Variants in RPTOR observed in about 807,000 individuals in gnomAD.
The protein encoded by RPTOR is regulatory-associated protein of mTOR.
A neutral mutation model predicts 169.9 loss-of-function variants in RPTOR; 21 were observed. The ratio of observed to expected loss-of-function variants is 0.12; its 90% CI spans 0.09 to 0.18. The LOEUF (loss-of-function observed/expected upper bound fraction) is 0.18, where lower values mean the gene tolerates loss of function less well. Ranked by LOEUF, RPTOR falls within the 10% of genes least tolerant of loss-of-function variation. RPTOR has a pLI of 1.00. For synonymous variants in RPTOR, 732 were observed against 753.2 expected (o/e 0.97, Z 0.46); for missense variants, 1,133 against 1,855.9 (o/e 0.61, Z 7.16).
intron 3 of RPTOR, among the ~76,000 whole-genome samples, chr17:80,644,212 A>G (rs2065575355): frequency 6.6e-6 from 1 of 151,786 alleles, no homozygotes; most frequent in African/African-American, 2.4e-5. Flanking sequence ...AGAAAAAAAC[A>G]CCCAACAGTC....
At chr17:80,802,706 C>G (rs9913285) in intron 7 of RPTOR, 33,438 of 152,298 alleles carry the variant, frequency 0.22, 4,029 homozygotes, top group African/African-American at 0.31. Context: ...GCTTCCGTTC[C>G]TTGAAGGCAG....
At chr17:80,828,221 AGGGAG>A (rs1172368805) in intron 9 of RPTOR, among the ~76,000 whole-genome samples, 1 of 152,200 alleles carries the variant, frequency 6.6e-6, no homozygotes, top group Non-Finnish European at 1.5e-5. Flanking sequence ...AGAGACGAGC[AGGGAG>A]TGGCACTTAG....
chr17:80,625,766 C>T lies in RPTOR; in HGVS notation c.238C>T (p.Pro80Ser), dbSNP rs778275536. The change falls in exon 2 of 34, where the codon CCC becomes TCC. Residue 80 changes from proline to serine, a missense_variant. By Grantham distance (74) the Pro-to-Ser change is moderately conservative. This residue lies in a region of RPTOR where 74 missense variants were observed against 168.3 expected (regional missense o/e 0.44). Transcript: ENST00000306801. ...CCCTCCCGATGTGGTGAAGACCACG[C>T]CCTGTGCACGCTTGGAATGCTGGAT... Reference protein sequence around the residue: ...VDPPDVVKTTPCARLECWIDP... With the variant: ...VDPPDVVKTTSCARLECWIDP... 1 of 1,612,200 alleles carries T rather than the reference C, an allele frequency of 6.2e-7. No homozygotes were observed.
chr17:80,860,851 C>G lies in RPTOR; in HGVS notation c.1509+2951C>G, dbSNP rs373518888. Among the ~76,000 whole-genome samples the G allele has an allele frequency of 6.6e-6, 1 of 152,036 alleles. No homozygotes were observed. Among genetic ancestry groups the G allele is most frequent in the Non-Finnish European group, 1.5e-5 (1 of 68,016 alleles). ...GGCACTGACCATGGCTCTGCTGGCA[C>G]GGGTCGGCTACCGTGCTTGCCATCT... On this transcript the variant is annotated intron_variant, in intron 13 of 33. Transcript: ENST00000306801. This position sits in a 1 kb window ranked among gnomAD's most constrained non-coding sequence, Gnocchi z 5.8.
intron 6 of RPTOR, among the ~76,000 whole-genome samples, chr17:80,776,232 C>T (rs2143435955): frequency 6.6e-6 from 1 of 150,962 alleles, no homozygotes; most frequent in South Asian, 2.1e-4. Context: ...ATAATATTTT[C>T]TTATTTTGGA....
At chr17:80,932,975 A>G (rs995126210) in intron 24 of RPTOR, among the ~76,000 whole-genome samples, 2 of 152,250 alleles carry the variant, frequency 1.3e-5, no homozygotes, top group Non-Finnish European at 2.9e-5. Flanking sequence ...GAAACTGTGT[A>G]AGACAGAGAT....
At chr17:80,927,608 GTC>G (rs66502360) in intron 24 of RPTOR, among the ~76,000 whole-genome samples, 95,416 of 132,502 alleles carry the variant, frequency 0.72, 30,350 homozygotes, top group Non-Finnish European at 0.73. Context: ...CCGTGTGTGT[GTC>G]TGTCTGTCTG....
At chr17:80,774,163 G>A in intron 6 of RPTOR, 1 of 985,386 alleles carries the variant, frequency 1.0e-6, no homozygotes, top group Non-Finnish European at 1.2e-6. Flanking sequence ...TGAGAAAGCG[G>A]GGACTCTGGG....
At chr17:80,634,647 TGTATGTGCGTACTGTG>T (rs2143568700) in intron 2 of RPTOR, among the ~76,000 whole-genome samples, 3 of 106,304 alleles carry the variant, frequency 2.8e-5, no homozygotes, top group Non-Finnish European at 4.0e-5. Context: ...GTGTGCATAC[TGTATGTGCGTACTGTG>T]TGTGTGCGTA....
At chr17:80,868,747 A>C (rs546925654) in intron 13 of RPTOR, among the ~76,000 whole-genome samples, 1 of 152,256 alleles carries the variant, frequency 6.6e-6, no homozygotes, top group Non-Finnish European at 1.5e-5. Flanking sequence ...CAAGCGGATG[A>C]ATAAGCAAAC....
intron 1 of RPTOR, among the ~76,000 whole-genome samples, chr17:80,622,777 C>A (rs917282862): frequency 1.3e-4 from 19 of 151,982 alleles, no homozygotes; most frequent in Non-Finnish European, 2.5e-4. Flanking sequence ...GGTGGCACAC[C>A]CTGTGGTCCC....
intron 3 of RPTOR, among the ~76,000 whole-genome samples, chr17:80,670,771 G>T (rs2065815693): frequency 6.6e-6 from 1 of 152,148 alleles, no homozygotes; most frequent in African/African-American, 2.4e-5. Context: ...TGTTGAATTT[G>T]TGGGACCCTT....
chr17:80,586,217 A>G (rs2065059663), intron 1 of RPTOR, among the ~76,000 whole-genome samples: 1 of 152,116 alleles, frequency 6.6e-6, no homozygotes, highest in African/African-American at 2.4e-5. Context: ...CTCTCCACAG[A>G]TGCTAGTTTT....
At chr17:80,951,403 T>TG (rs1400361065) in intron 28 of RPTOR, among the ~76,000 whole-genome samples, 1 of 152,004 alleles carries the variant, frequency 6.6e-6, no homozygotes, top group Non-Finnish European at 1.5e-5. Context: ...TCCTTCAGAG[T>TG]GGGAGCCTGT....
intron 11 of RPTOR, among the ~76,000 whole-genome samples, chr17:80,850,517 C>T (rs1033395558): frequency 6.6e-6 from 1 of 152,214 alleles, no homozygotes; most frequent in Non-Finnish European, 1.5e-5. Flanking sequence ...TAAAGTGATT[C>T]TTGTGCCTCA....
At chr17:80,951,827 G>A (rs145577523) in intron 28 of RPTOR, among the ~76,000 whole-genome samples, 3 of 152,338 alleles carry the variant, frequency 2.0e-5, no homozygotes, top group South Asian at 2.1e-4. Context: ...CCCCCATGCC[G>A]GCATGTCACT....
intron 21 of RPTOR, among the ~76,000 whole-genome samples, chr17:80,919,737 C>T (rs567716897): frequency 1.4e-4 from 22 of 152,328 alleles, no homozygotes; most frequent in Non-Finnish European, 2.2e-4. Context: ...GCTGAGCATT[C>T]GACTGTTAGC....
chr17:80,795,413 C>A (rs1051395321), intron 7 of RPTOR, among the ~76,000 whole-genome samples: 1 of 152,200 alleles, frequency 6.6e-6, no homozygotes, highest in Non-Finnish European at 1.5e-5. Context: ...TTCCCAGAAC[C>A]AGTGCATCCC....
intron 10 of RPTOR, among the ~76,000 whole-genome samples, chr17:80,842,487 T>C (rs1325518932): frequency 6.6e-6 from 1 of 152,226 alleles, no homozygotes; most frequent in African/African-American, 2.4e-5. Context: ...TATTCAGCTT[T>C]AACAGATGGT....
Sources: allele counts gnomAD v4.1 joint callset (sites outside exome capture counted in the v4.1 genomes callset), GRCh38; gene constraint gnomAD v4.1.1; regional missense constraint gnomAD v4.1.1; non-coding constraint Gnocchi (gnomAD v3.1); transcripts MANE v1.5; gene names NCBI Gene and HGNC (gene_info 2026-07-23, HGNC 2026-07-21).